The following RAP1A variants were observed in gnomAD, a reference collection of about 807,000 sequenced individuals.
The protein encoded by RAP1A is RAP1A, member of RAS oncogene family.
RAP1A carries 6 observed loss-of-function variants against 26.4 expected under a neutral mutation model. The ratio of observed to expected loss-of-function variants is 0.23; its 90% confidence interval spans 0.12 to 0.45. RAP1A has a LOEUF of 0.45. Ranked by LOEUF, RAP1A falls within the 20% of genes least tolerant of loss-of-function variation. The probability of loss-of-function intolerance (pLI) is 0.99; values close to 1 mark genes in which losing one functional copy is unlikely to be tolerated. For synonymous variants in RAP1A, 73 were observed against 79.4 expected (o/e 0.92, Z 0.43); for missense variants, 121 against 217.2 (o/e 0.56, Z 2.78).
chr1:111,658,808 T>C (rs937009873), intron 1 of RAP1A, among the ~76,000 whole-genome samples: 2 of 152,254 alleles, frequency 1.3e-5, no homozygotes, highest in Non-Finnish European at 2.9e-5. Flanking sequence ...ATTTTCTGCC[T>C]GCCGGATCTG....
intron 1 of RAP1A, among the ~76,000 whole-genome samples, chr1:111,673,372 T>C (rs767399413): frequency 6.6e-6 from 1 of 152,256 alleles, no homozygotes; most frequent in African/African-American, 2.4e-5. Context: ...CTTTAATGAA[T>C]TTTGTTTTAT....
chr1:111,649,288 T>C, intron 1 of RAP1A: 1 of 465,168 alleles, frequency 2.1e-6, no homozygotes, highest in Non-Finnish European at 4.2e-6. Context: ...AGGCTCTCAC[T>C]CTGTCCAGGT....
chr1:111,576,688 G>A (rs935284275), intron 1 of RAP1A, among the ~76,000 whole-genome samples: 5 of 152,148 alleles, frequency 3.3e-5, no homozygotes, highest in African/African-American at 1.2e-4. Context: ...TGTTTGCTCC[G>A]GCTAGCTAAT....
intron 1 of RAP1A, among the ~76,000 whole-genome samples, chr1:111,549,806 G>A (rs961725455): frequency 6.6e-6 from 1 of 152,058 alleles, no homozygotes; most frequent in Non-Finnish European, 1.5e-5. Context: ...ACACCACCAT[G>A]CTCAGCTAAT....
chr1:111,639,547 G>A (rs181772547), intron 1 of RAP1A, among the ~76,000 whole-genome samples: 10 of 148,058 alleles, frequency 6.8e-5, no homozygotes, highest in African/African-American at 2.3e-4. Context: ...TATACTATTA[G>A]TAACTAATAC....
At chr1:111,673,368 T>C (rs1661031490) in intron 1 of RAP1A, among the ~76,000 whole-genome samples, 1 of 152,256 alleles carries the variant, frequency 6.6e-6, no homozygotes, top group African/African-American at 2.4e-5. Context: ...TTTCCTTTAA[T>C]GAATTTTGTT....
rs771928844 is a variant in RAP1A at position 111,716,544 on chromosome 1, G to C, written c.*4143G>C. 2 of 152,180 alleles carry C rather than the reference G, an allele frequency of 1.3e-5. No individual in the cohort carries two copies. The highest frequency in any genetic ancestry group is 2.9e-5 in the Non-Finnish European group (2 of 68,038). 9.4% of individuals were successfully genotyped at this position (152,180 alleles called of 1,614,324 possible). A position where few individuals can be genotyped will look rare whatever the true frequency, so the allele number is the denominator to read the frequency against. ...GCTTTAAATGGGAATTGGGGATGATGTATGTTCGTTGGGCATGCTGAGAAG... is the reference window on the plus strand; with the variant it reads ...GCTTTAAATGGGAATTGGGGATGATCTATGTTCGTTGGGCATGCTGAGAAG... On this transcript the variant is annotated 3_prime_UTR_variant, in exon 8 of 8. Transcript: ENST00000369709.
At chr1:111,543,008 T>A (rs1656900342) in intron 1 of RAP1A, among the ~76,000 whole-genome samples, 1 of 152,230 alleles carries the variant, frequency 6.6e-6, no homozygotes, top group Non-Finnish European at 1.5e-5. Context: ...GCCATGTATT[T>A]GTTTTATAAC....
chr1:111,567,106 A>C (rs745925291), intron 1 of RAP1A, among the ~76,000 whole-genome samples: 1 of 152,176 alleles, frequency 6.6e-6, no homozygotes, highest in African/African-American at 2.4e-5. Flanking sequence ...AACATGAATA[A>C]GAACAGACAT....
chr1:111,602,266 A>G (rs149307381), intron 1 of RAP1A: 58 of 152,352 alleles, frequency 3.8e-4, no homozygotes, highest in African/African-American at 1.4e-3. Flanking sequence ...CTTCAGCAGG[A>G]TAACAGGAAA....
chr1:111,613,827 C>G (rs1413359630), intron 1 of RAP1A, among the ~76,000 whole-genome samples: 1 of 152,210 alleles, frequency 6.6e-6, no homozygotes, highest in Non-Finnish European at 1.5e-5. Flanking sequence ...CCAGCATCAA[C>G]AATCTATGGA....
rs1425985921 is a variant in RAP1A, at chr1:111,543,598, TTAAGGAGGAGGAGGAAGA to T, written c.-28+1090_-28+1107del. 4.1e-5 allele frequency among the ~76,000 whole-genome samples: 6 copies of T among 145,694 alleles called. No individual in the cohort carries two copies. In the East Asian group the frequency reaches 1.0e-3, roughly 24 times the overall value. On this transcript the variant is annotated intron_variant, in intron 1 of 7. Transcript: ENST00000356415. ...TCATTAAAAGATTAGGCCCTCTGTCTTAAGGAGGAGGAGGAAGAGAAGGAGGAATAGGAGGAGGAAGAG... is the reference window on the plus strand; with the variant it reads ...TCATTAAAAGATTAGGCCCTCTGTCTGAAGGAGGAATAGGAGGAGGAAGAG...
chr1:111,637,665 A>T (rs532850661), intron 1 of RAP1A, among the ~76,000 whole-genome samples: 177 of 152,276 alleles, frequency 1.2e-3, no homozygotes, highest in Middle Eastern at 0.01. Flanking sequence ...ATGAAATCAG[A>T]TACATAATAC....
chr1:111,653,946 T>C (rs1400704847), intron 1 of RAP1A, among the ~76,000 whole-genome samples: 1 of 152,110 alleles, frequency 6.6e-6, no homozygotes, highest in African/African-American at 2.4e-5. Context: ...AAGATATTAT[T>C]TTGACATAAG....
chr1:111,572,466 C>T (rs1322415024), intron 1 of RAP1A, among the ~76,000 whole-genome samples: 1 of 152,210 alleles, frequency 6.6e-6, no homozygotes, highest in African/African-American at 2.4e-5. Flanking sequence ...ATGGACAATG[C>T]TTGAGATGTT....
chr1:111,686,204 C>T (rs191746939), intron 1 of RAP1A, among the ~76,000 whole-genome samples: 14 of 152,200 alleles, frequency 9.2e-5, no homozygotes, highest in African/African-American at 3.4e-4. Flanking sequence ...AGCAAACCAC[C>T]ATGGCACATG....
At chr1:111,629,797 TG>T (rs1359461516) in intron 1 of RAP1A, among the ~76,000 whole-genome samples, 1 of 152,176 alleles carries the variant, frequency 6.6e-6, no homozygotes, top group Non-Finnish European at 1.5e-5. Context: ...GTCAACTGAA[TG>T]AAATTTCATT....
intron 1 of RAP1A, among the ~76,000 whole-genome samples, chr1:111,650,093 CTTTTT>C (rs57681662): frequency 4.0e-5 from 3 of 75,880 alleles, no homozygotes; most frequent in Admixed American, 1.6e-4. Context: ...TGGTAGAGTG[CTTTTT>C]TTTTTTTTTT....
chr1:111,604,169 C>G (rs142342959), intron 1 of RAP1A, among the ~76,000 whole-genome samples: 1 of 152,324 alleles, frequency 6.6e-6, no homozygotes, highest in Non-Finnish European at 1.5e-5. Context: ...CCAGCAAAGT[C>G]AGCACCTACA....
Sources: allele counts gnomAD v4.1 joint callset (sites outside exome capture counted in the v4.1 genomes callset), GRCh38; gene constraint gnomAD v4.1.1; transcripts MANE v1.5; gene names NCBI Gene and HGNC (gene_info 2026-07-23, HGNC 2026-07-21).